MYH11: variants seen among roughly 807,000 people sequenced by gnomAD.
The protein encoded by MYH11 is myosin-11.
Under a neutral mutation model 246.6 loss-of-function variants are expected in MYH11, and 80 were observed. The ratio of observed to expected loss-of-function variants is 0.32; its 90% CI spans 0.27 to 0.39. The LOEUF (loss-of-function observed/expected upper bound fraction) is 0.39, where lower values mean the gene tolerates loss of function less well. Among genes scored for constraint, MYH11 ranks in the 10% least tolerant of loss-of-function variants. The pLI, the probability that MYH11 is intolerant of heterozygous loss-of-function variation, is 1.00. For missense variants in MYH11, 2,158 were observed against 2,546.8 expected, an observed-to-expected ratio of 0.85 and a Z score of 3.29; for synonymous variants, 1,071 against 1,015.5, an observed-to-expected ratio of 1.05 and a Z score of -1.04.
At chr16:15,816,016 TC>T in intron 3 of MYH11, among the ~76,000 whole-genome samples, 1 of 152,288 alleles carries the variant, frequency 6.6e-6, no homozygotes, top group East Asian at 1.9e-4. Flanking sequence ...AACTAAACTA[TC>T]CTTTAAGTGT....
At chr16:15,710,456 G>A (rs2039715591) in intron 40 of MYH11, among the ~76,000 whole-genome samples, 1 of 152,160 alleles carries the variant, frequency 6.6e-6, no homozygotes. Flanking sequence ...GGGAGGCAAA[G>A]GTTGCAGTGA....
intron 3 of MYH11, among the ~76,000 whole-genome samples, chr16:15,805,724 C>A (rs1288091682): frequency 6.6e-6 from 1 of 151,932 alleles, no homozygotes; most frequent in Non-Finnish European, 1.5e-5. Flanking sequence ...CCAGCCTGGG[C>A]AACATGGTGA....
intron 9 of MYH11, among the ~76,000 whole-genome samples, chr16:15,766,124 T>C (rs914990732): frequency 1.3e-5 from 2 of 152,112 alleles, no homozygotes; most frequent in Non-Finnish European, 2.9e-5. Flanking sequence ...CAATGTCCCC[T>C]GGGAGGCAAA....
At chr16:15,834,271 G>C (rs1651241796) in intron 2 of MYH11, among the ~76,000 whole-genome samples, 1 of 151,948 alleles carries the variant, frequency 6.6e-6, no homozygotes. Context: ...TCAGGCCTGT[G>C]ATCCTAGCAC....
At position 15,756,349 on chromosome 16, in the gene MYH11, C is replaced by A; in HGVS notation, c.1741G>T (p.Ala581Ser). The change falls in exon 14 of 41, where the codon GCT becomes TCT. Residue 581 changes from alanine to serine, a missense_variant. Ala to Ser is a moderately conservative substitution (Grantham distance 99, BLOSUM62 1). This residue lies in a region of MYH11 where 317 missense variants were observed against 507.7 expected (regional missense o/e 0.62). Coordinates refer to ENST00000300036, the MANE Select transcript of MYH11 (RefSeq NM_002474.3). ...DKTEFSIIHY[A>S]GKVDYNASAW... ...GGCCCTGTGGCTGGTACCTTCCCAG[C>A]ATAATGGATGATGGAGAACTCAGTC... 1 of 1,614,116 alleles carries A rather than the reference C, an allele frequency of 6.2e-7. No homozygotes were observed. Among genetic ancestry groups the A allele is most frequent in the Admixed American group, 1.7e-5 (1 of 60,026 alleles).
chr16:15,829,752 G>A (rs2043678216), intron 2 of MYH11, among the ~76,000 whole-genome samples: 2 of 152,198 alleles, frequency 1.3e-5, no homozygotes, highest in African/African-American at 4.8e-5. Context: ...CAGCCACAGA[G>A]CCCTGAGCAG....
At chr16:15,850,211 C>T (rs1041974949) in intron 1 of MYH11, among the ~76,000 whole-genome samples, 5 of 152,026 alleles carry the variant, frequency 3.3e-5, no homozygotes, top group Admixed American at 3.3e-4. Flanking sequence ...ATGGTGAAAC[C>T]CCGTCTCTAC....
In MYH11 at chr16:15,718,317, G is replaced by A; in HGVS notation, c.5293C>T (p.Gln1765Ter). 1 of 1,609,008 alleles carries A rather than the reference G, an allele frequency of 6.2e-7. No individual in the cohort carries two copies. The change falls in exon 37 of 41, where the codon CAG (glutamine) becomes TAG (stop). Residue 1765 changes from glutamine (Q) to a stop codon, truncating the protein, a stop_gained and splice_region_variant. Transcript: ENST00000300036. LOFTEE classifies it high-confidence loss of function. ...TGTGGTGTCCAGGCGGCCCTCACCT[G>A]CTGTGTGGCTTTGCGGACCCGGTCG... ...MSDRVRKATQ[Q>*]AEQLSNELAT...
intron 22 of MYH11, 108 bp from the exon 23 acceptor site, chr16:15,740,296 T>C: frequency 6.5e-7 from 1 of 1,529,950 alleles, no homozygotes. Flanking sequence ...TGCCCAGAAC[T>C]CTGTAGCCTC....
chr16:15,714,102 G>A (rs575116928), intron 40 of MYH11: 4 of 152,448 alleles, frequency 2.6e-5, no homozygotes, highest in Non-Finnish European at 4.4e-5. Context: ...TTGAAATCAT[G>A]GAGAACTGTG....
chr16:15,785,508 C>T (rs1438891102), intron 5 of MYH11: 1 of 151,742 alleles, frequency 6.6e-6, no homozygotes, highest in Non-Finnish European at 1.5e-5. Context: ...GAAAGTTCTC[C>T]AAAGCCACGA....
intron 10 of MYH11, 37 bp downstream of exon 10, chr16:15,763,759 C>CCCCCCAAAA: frequency 3.5e-6 from 4 of 1,151,252 alleles, no homozygotes; most frequent in Non-Finnish European, 5.3e-6. Flanking sequence ...CCCCCCAACC[C>CCCCCCAAAA]CAAAGTCATT....
intron 3 of MYH11, among the ~76,000 whole-genome samples, chr16:15,814,139 CCAAA>C (rs1457162909): frequency 1.6e-5 from 1 of 63,242 alleles, no homozygotes; most frequent in Non-Finnish European, 3.1e-5. Flanking sequence ...ACTCCATCCC[CCAAA>C]AAAAAACAAA....
Position 15,738,457 on chromosome 16 carries a change from G to A in MYH11, c.3121+108C>T, listed in dbSNP as rs114678631. On this transcript the variant is annotated intron_variant, in intron 24 of 40. Coordinates refer to ENST00000300036, the MANE Select transcript of MYH11 (RefSeq NM_002474.3). Reference sequence around the variant, plus strand: ...GAGCTTAGGAGTTTCGGGCTGCAGTGAGCCATGATCGCACCACTGCACTGC... The same window carrying A: ...GAGCTTAGGAGTTTCGGGCTGCAGTAAGCCATGATCGCACCACTGCACTGC... 0.025 allele frequency: 27,606 copies of A among 1,083,638 alleles called. 553 individuals are homozygous for A. Among genetic ancestry groups the A allele is most frequent in the South Asian group, 0.061 (3,878 of 63,748 alleles). The allele number at this position is 1,083,638 out of a possible 1,614,324, so 67.1% of individuals were successfully genotyped here.
Position 15,735,481 on chromosome 16 carries a change from G to A in MYH11, c.3391C>T (p.Arg1131Trp), listed in dbSNP as rs778315061. ...TTTTCAGCCTTGTTCCTGGCGGCCC[G>A]CTCTGAGTCCAGGTCCTCCTGGAGG... ...SDLQEDLDSE[R>W]AARNKAEKQK... Residue 1131 changes from arginine (R) to tryptophan (W), a missense_variant, in exon 26 of 41, where the codon CGG becomes TGG. Around this residue, in one of 11 missense-constraint regions of MYH11, gnomAD observed 284 missense variants for 315.4 expected, o/e 0.90. Coordinates refer to ENST00000300036, the MANE Select transcript of MYH11 (RefSeq NM_002474.3). 9.3e-6 allele frequency: 15 copies of A among 1,613,962 alleles called. No individual in the cohort carries two copies. The highest frequency in any genetic ancestry group is 3.3e-5 in the Admixed American group (2 of 59,974).
chr16:15,831,999 A>G (rs2043752867), intron 2 of MYH11, among the ~76,000 whole-genome samples: 1 of 151,650 alleles, frequency 6.6e-6, no homozygotes, highest in Non-Finnish European at 1.5e-5. Context: ...GCTTCCAGTT[A>G]CAGTGTCTTT....
At chr16:15,764,844 T>C (rs2041946839) in intron 9 of MYH11, among the ~76,000 whole-genome samples, 1 of 152,248 alleles carries the variant, frequency 6.6e-6, no homozygotes, top group East Asian at 1.9e-4. Flanking sequence ...GCTTCTTACA[T>C]ACTCTTCTGG....
chr16:15,775,876 A>G (rs1292300709), intron 8 of MYH11: 4 of 630,288 alleles, frequency 6.3e-6, no homozygotes, highest in African/African-American at 3.6e-5. Context: ...GTCACATAGT[A>G]GGTGCTCAGT....
In MYH11 at chr16:15,774,502, G is replaced by A. The variant is rs1372562098; in HGVS notation, c.889+1576C>T. Among the ~76,000 whole-genome samples, 4 of 152,246 alleles carry A rather than the reference G, an allele frequency of 2.6e-5. No homozygotes were observed. In the East Asian group the frequency reaches 7.7e-4, roughly 29 times the overall value. On this transcript the variant is annotated intron_variant, in intron 8 of 40. Coordinates refer to ENST00000300036, the MANE Select transcript of MYH11 (RefSeq NM_002474.3). The stretch of plus-strand genomic sequence containing the variant: ...TAACTGCTAATATACCATGTTTGCT[G>A]GTACATAAAAAATCCATTCAGCATT...
Sources: allele counts gnomAD v4.1 joint callset (sites outside exome capture counted in the v4.1 genomes callset), GRCh38; gene constraint gnomAD v4.1.1; regional missense constraint gnomAD v4.1.1; transcripts MANE v1.5; gene names NCBI Gene and HGNC (gene_info 2026-07-23, HGNC 2026-07-21).